The following LIN28B variants were observed in gnomAD, a reference collection of about 807,000 sequenced individuals.
LIN28B encodes protein lin-28 homolog B.
A neutral mutation model predicts 21.9 loss-of-function variants in LIN28B; 5 were observed. The observed-to-expected ratio is 0.23, with a 90% confidence interval of 0.12 to 0.48. The LOEUF (loss-of-function observed/expected upper bound fraction) is 0.48, where lower values mean the gene tolerates loss of function less well. LIN28B is among the 20% of genes least tolerant of loss of function. The probability of loss-of-function intolerance (pLI) is 0.98; values close to 1 mark genes in which losing one functional copy is unlikely to be tolerated. For synonymous variants in LIN28B, 109 were observed against 111.3 expected (o/e 0.98, Z 0.13); for missense variants, 245 against 310.5 (o/e 0.79, Z 1.58).
intron 3 of LIN28B, among the ~76,000 whole-genome samples, chr6:105,035,093 T>C (rs1261232943): frequency 6.6e-6 from 1 of 151,926 alleles, no homozygotes; most frequent in African/African-American, 2.4e-5. Flanking sequence ...GGAAATCTAG[T>C]ATTATATTTT....
At chr6:105,057,289 T>C (rs1772039414) in intron 3 of LIN28B, among the ~76,000 whole-genome samples, 1 of 152,238 alleles carries the variant, frequency 6.6e-6, no homozygotes, top group Non-Finnish European at 1.5e-5. Flanking sequence ...TCTTTTTATA[T>C]ACGTGACACT....
intron 2 of LIN28B, among the ~76,000 whole-genome samples, chr6:105,023,022 A>G (rs1053760982): frequency 3.3e-5 from 5 of 149,980 alleles, no homozygotes; most frequent in Non-Finnish European, 5.9e-5. Flanking sequence ...AAATGGAGAA[A>G]CCTTCAATAA....
chr6:105,052,053 G>C (rs1771917518), intron 3 of LIN28B, among the ~76,000 whole-genome samples: 1 of 152,196 alleles, frequency 6.6e-6, no homozygotes, highest in African/African-American at 2.4e-5. Flanking sequence ...AATGACGTAA[G>C]GGAACAAGCC....
chr6:105,024,163 T>C (rs1771236888), intron 2 of LIN28B, among the ~76,000 whole-genome samples: 2 of 152,090 alleles, frequency 1.3e-5, no homozygotes, highest in South Asian at 2.1e-4. Flanking sequence ...TAATTTTTTG[T>C]ATTTTTTTAG....
chr6:104,990,975 C>A (rs1721454551), intron 2 of LIN28B, among the ~76,000 whole-genome samples: 1 of 152,242 alleles, frequency 6.6e-6, no homozygotes, highest in South Asian at 2.1e-4. Context: ...TACACAGACA[C>A]AGCAACAATC....
chr6:105,023,182 TC>T (rs1771171225), intron 2 of LIN28B, among the ~76,000 whole-genome samples: 1 of 118,366 alleles, frequency 8.4e-6, no homozygotes, highest in Non-Finnish European at 1.7e-5. Flanking sequence ...CTTGTCTTTT[TC>T]TTGCAAAGCC....
intron 3 of LIN28B, among the ~76,000 whole-genome samples, chr6:105,028,254 G>A (rs1046463379): frequency 6.6e-6 from 1 of 152,080 alleles, no homozygotes; most frequent in East Asian, 1.9e-4. Flanking sequence ...TTTCATATTG[G>A]ATCTTGTCAA....
chr6:104,994,091 G>A (rs1240402414), intron 2 of LIN28B, among the ~76,000 whole-genome samples: 3 of 152,022 alleles, frequency 2.0e-5, no homozygotes, highest in Admixed American at 6.6e-5. Context: ...TGCAAGCTCC[G>A]CCTTCCAGGT....
intron 3 of LIN28B, among the ~76,000 whole-genome samples, chr6:105,032,301 T>G (rs1425850935): frequency 6.6e-6 from 1 of 152,188 alleles, no homozygotes; most frequent in Non-Finnish European, 1.5e-5. Flanking sequence ...AGGTCATATA[T>G]GTATGTTTAA....
intron 3 of LIN28B, among the ~76,000 whole-genome samples, chr6:105,064,872 G>C (rs1287118846): frequency 3.9e-5 from 6 of 152,180 alleles, no homozygotes; most frequent in Admixed American, 3.9e-4. Flanking sequence ...GACCAAAGGA[G>C]ATGAAAACTC....
Position 105,083,096 on chromosome 6 carries a change from G to A in LIN28B, c.*4313G>A, listed in dbSNP as rs1772569259. 1.3e-5 allele frequency: 2 copies of A among 152,096 alleles called. No homozygotes were observed. Among genetic ancestry groups the A allele is most frequent in the South Asian group, 4.2e-4 (2 of 4,798 alleles). 9.4% of individuals were successfully genotyped at this position (152,096 alleles called of 1,614,324 possible). On this transcript the variant is annotated 3_prime_UTR_variant, in exon 4 of 4. Transcript: ENST00000345080. ...CCATTTTGACTCATGTTGTTTACAA[G>A]TGAAAATAAAAACACTTGAACTGTA...
At chr6:105,007,939 C>G (rs1770849679) in intron 2 of LIN28B, among the ~76,000 whole-genome samples, 1 of 152,136 alleles carries the variant, frequency 6.6e-6, no homozygotes, top group Admixed American at 6.5e-5. Context: ...GCCACCACGC[C>G]CAGCCCCCTT....
chr6:105,044,896 A>G (rs1190469410), intron 3 of LIN28B, among the ~76,000 whole-genome samples: 8 of 152,114 alleles, frequency 5.3e-5, no homozygotes, highest in South Asian at 2.1e-4. Context: ...ATCAAGTACA[A>G]TGGCTTGCAC....
At chr6:105,006,690 A>G (rs1177098017) in intron 2 of LIN28B, among the ~76,000 whole-genome samples, 15 of 152,112 alleles carry the variant, frequency 9.9e-5, no homozygotes, top group Non-Finnish European at 2.9e-5. Flanking sequence ...CTTGCACTAC[A>G]TGTTCAGTGT....
chr6:105,002,875 A>G (rs1770745710), intron 2 of LIN28B, among the ~76,000 whole-genome samples: 1 of 152,210 alleles, frequency 6.6e-6, no homozygotes, highest in Admixed American at 6.5e-5. Flanking sequence ...TTACTGTGTT[A>G]TGCTGTAAAA....
intron 2 of LIN28B, among the ~76,000 whole-genome samples, chr6:104,966,653 G>A (rs1389804995): frequency 9.9e-5 from 13 of 131,954 alleles, no homozygotes; most frequent in Admixed American, 4.9e-4. Context: ...ACAGAGTCTC[G>A]CTACATTGCC....
chr6:104,977,987 A>G (rs1039195544), intron 2 of LIN28B, among the ~76,000 whole-genome samples: 1 of 152,256 alleles, frequency 6.6e-6, no homozygotes, highest in Non-Finnish European at 1.5e-5. Flanking sequence ...CTTCTAGAAC[A>G]TAAACTGTAT....
intron 3 of LIN28B, among the ~76,000 whole-genome samples, chr6:105,036,443 C>G (rs989214154): frequency 2.0e-5 from 3 of 152,136 alleles, no homozygotes; most frequent in Non-Finnish European, 4.4e-5. Context: ...GGATGGTTAT[C>G]CAAGTCCTTT....
At chr6:104,997,302 AAAAAG>A (rs981855597) in intron 2 of LIN28B, among the ~76,000 whole-genome samples, 2 of 120,806 alleles carry the variant, frequency 1.7e-5, no homozygotes, top group African/African-American at 3.1e-5. Flanking sequence ...AAAAGAAAAG[AAAAAG>A]AAAAGAAAAA....
Sources: allele counts gnomAD v4.1 joint callset (sites outside exome capture counted in the v4.1 genomes callset), GRCh38; gene constraint gnomAD v4.1.1; transcripts MANE v1.5; gene names NCBI Gene and HGNC (gene_info 2026-07-23, HGNC 2026-07-21).